The following PRR16 variants were observed in gnomAD, a reference collection of about 807,000 sequenced individuals.
PRR16 encodes the protein proline rich 16, also known as protein Largen.
Under a neutral mutation model 18.2 loss-of-function variants are expected in PRR16, and 6 were observed. That is an observed-to-expected ratio of 0.33 (90% CI 0.18 to 0.65). PRR16 has a LOEUF of 0.65. Ranked by LOEUF, PRR16 falls within the 30% of genes least tolerant of loss-of-function variation. The probability of loss-of-function intolerance (pLI) is 0.74; values close to 1 mark genes in which losing one functional copy is unlikely to be tolerated. For synonymous variants in PRR16, 151 were observed against 147.8 expected, an observed-to-expected ratio of 1.02 and a Z score of -0.16; for missense variants, 412 against 376.6, an observed-to-expected ratio of 1.09 and a Z score of -0.78.
chr5:120,591,632 C>T (rs1269734561), intron 1 of PRR16, among the ~76,000 whole-genome samples: 1 of 151,750 alleles, frequency 6.6e-6, no homozygotes, highest in East Asian at 1.9e-4. Context: ...AAACATAATT[C>T]TTATGTTAGT....
chr5:120,564,899 T>C (rs1333514875), intron 1 of PRR16, among the ~76,000 whole-genome samples: 1 of 147,886 alleles, frequency 6.8e-6, no homozygotes, highest in Non-Finnish European at 1.5e-5. Flanking sequence ...GGCAGGAGAA[T>C]GGCTTGAACT....
intron 1 of PRR16, among the ~76,000 whole-genome samples, chr5:120,524,478 A>G (rs1307029441): frequency 6.6e-6 from 1 of 152,114 alleles, no homozygotes; most frequent in Non-Finnish European, 1.5e-5. Context: ...TATGTTGACA[A>G]TTCAACTCAT....
intron 1 of PRR16, among the ~76,000 whole-genome samples, chr5:120,596,079 G>A (rs9327153): frequency 0.8 from 121,166 of 150,840 alleles, 48,995 homozygotes; most frequent in East Asian, 0.91. Context: ...TTATCTCTGT[G>A]TCTCTTCATC....
chr5:120,704,329 T>G, the PRR16 span, among the ~76,000 whole-genome samples: 1 of 152,112 alleles, frequency 6.6e-6, no homozygotes, highest in Non-Finnish European at 1.5e-5. Context: ...AAACTGACAT[T>G]ATTGGCTTGA....
At chr5:120,639,428 A>C (rs1334931905) in intron 1 of PRR16, among the ~76,000 whole-genome samples, 1 of 152,068 alleles carries the variant, frequency 6.6e-6, no homozygotes, top group Non-Finnish European at 1.5e-5. Context: ...TAAGTGAAAA[A>C]TGTCTGTAGA....
intron 1 of PRR16, among the ~76,000 whole-genome samples, chr5:120,604,691 T>C (rs1470697893): frequency 6.6e-6 from 1 of 152,194 alleles, no homozygotes; most frequent in Non-Finnish European, 1.5e-5. Context: ...TTTCTGTGTT[T>C]AACTCTCCCT....
chr5:120,625,043 A>C (rs1286601045), intron 1 of PRR16, among the ~76,000 whole-genome samples: 4 of 152,156 alleles, frequency 2.6e-5, no homozygotes, highest in African/African-American at 9.7e-5. Flanking sequence ...ACCTCTTTCC[A>C]TTATAAATTG....
intron 1 of PRR16, among the ~76,000 whole-genome samples, chr5:120,529,803 A>C (rs1180251827): frequency 6.6e-6 from 1 of 152,146 alleles, no homozygotes; most frequent in Non-Finnish European, 1.5e-5. Flanking sequence ...AAAATAGAAT[A>C]ATTGTCAAAG....
chr5:120,673,664 C>T (rs1314214524), intron 1 of PRR16, among the ~76,000 whole-genome samples: 1 of 152,034 alleles, frequency 6.6e-6, no homozygotes, highest in Non-Finnish European at 1.5e-5. Flanking sequence ...CTAGGCCAGG[C>T]ACAATGGCTC....
intron 1 of PRR16, among the ~76,000 whole-genome samples, chr5:120,664,658 C>G (rs142827758): frequency 0.045 from 6,829 of 151,890 alleles, 541 homozygotes; most frequent in African/African-American, 0.16. Context: ...CTTCCTGTGT[C>G]CATGTGTTCT....
At chr5:120,640,842 C>T (rs561953628) in intron 1 of PRR16, among the ~76,000 whole-genome samples, 2 of 152,284 alleles carry the variant, frequency 1.3e-5, no homozygotes, top group East Asian at 3.9e-4. Context: ...GGCATTAACT[C>T]TTTAAATTGA....
the PRR16 span, among the ~76,000 whole-genome samples, chr5:120,743,382 T>TA: frequency 3.3e-5 from 5 of 151,432 alleles, no homozygotes; most frequent in East Asian, 3.9e-4. Flanking sequence ...CATAGGTGAT[T>TA]AAAAAAAAAT....
chr5:120,528,752 G>A (rs551726356), intron 1 of PRR16, among the ~76,000 whole-genome samples: 1 of 152,282 alleles, frequency 6.6e-6, no homozygotes, highest in East Asian at 1.9e-4. Context: ...AGCCTGAGAG[G>A]CAGGCTGAGG....
chr5:120,682,878 C>T (rs1461273401), intron 1 of PRR16, among the ~76,000 whole-genome samples: 1 of 152,076 alleles, frequency 6.6e-6, no homozygotes, highest in African/African-American at 2.4e-5. Context: ...AGAAATAACC[C>T]TCGGAGCATT....
At chr5:120,584,928 G>A (rs897478408) in intron 1 of PRR16, among the ~76,000 whole-genome samples, 4 of 151,878 alleles carry the variant, frequency 2.6e-5, no homozygotes, top group African/African-American at 7.3e-5. Context: ...TTCAATCTTC[G>A]TCAAAGCAGA....
At chr5:120,753,034 A>T in the PRR16 span, among the ~76,000 whole-genome samples, 1 of 152,020 alleles carries the variant, frequency 6.6e-6, no homozygotes, top group Non-Finnish European at 1.5e-5. Flanking sequence ...CGAATAGATG[A>T]GGAAACATTA....
the PRR16 span, among the ~76,000 whole-genome samples, chr5:120,757,027 T>G: frequency 6.6e-6 from 1 of 152,184 alleles, no homozygotes; most frequent in African/African-American, 2.4e-5. Flanking sequence ...AGTTTTATTC[T>G]TCTGCCTATG....
chr5:120,790,043 A>T, the PRR16 span: 1 of 152,144 alleles, frequency 6.6e-6, no homozygotes, highest in Non-Finnish European at 1.5e-5. Flanking sequence ...CTGAGGACAG[A>T]TCTAATTCTA....
intron 1 of PRR16, among the ~76,000 whole-genome samples, chr5:120,592,634 C>T (rs745564741): frequency 1.3e-5 from 2 of 152,060 alleles, no homozygotes; most frequent in Non-Finnish European, 2.9e-5. Context: ...GTCTTTGTTG[C>T]CCATTGTGCA....
Sources: gnomAD v4.1 joint callset for allele counts (sites outside exome capture counted in the v4.1 genomes callset) on GRCh38, gnomAD v4.1.1 for gene constraint, MANE v1.5 for transcripts, NCBI Gene and HGNC (gene_info 2026-07-23, HGNC 2026-07-21) for gene names.